Variants in PTPN13 observed in about 807,000 individuals in gnomAD.
The protein encoded by PTPN13 is protein tyrosine phosphatase non-receptor type 13, also known as tyrosine-protein phosphatase non-receptor type 13.
PTPN13 carries 191 observed loss-of-function variants against 284.0 expected under a neutral mutation model. The observed-to-expected ratio is 0.67, with a 90% confidence interval of 0.60 to 0.76. The LOEUF (loss-of-function observed/expected upper bound fraction) is 0.76. Ranked by LOEUF, PTPN13 falls within the 30% of genes least tolerant of loss-of-function variation. PTPN13 has a pLI of 0.00. For missense variants in PTPN13, 2,797 were observed against 2,939.9 expected (o/e 0.95, Z 1.12); for synonymous variants, 986 against 1,022.3 (o/e 0.96, Z 0.68).
Position 86,674,417 on chromosome 4 carries a change from TC to T in PTPN13, c.294+1875del, listed in dbSNP as rs753746766. On this transcript the variant is annotated intron_variant, in intron 3 of 47. Transcript: ENST00000411767. ...TTGTCTAATTGCCATCTAAAGGAAT[TC>T]TAATTTCTTTAAACTGACAATCATA... Among the ~76,000 whole-genome samples the T allele has an allele frequency of 2.6e-5, 4 of 152,214 alleles. No homozygotes were observed. The East Asian group carries it at 7.7e-4, about 29-fold the overall frequency.
At chr4:86,667,683 T>C (rs1727238208) in intron 2 of PTPN13, among the ~76,000 whole-genome samples, 1 of 152,216 alleles carries the variant, frequency 6.6e-6, no homozygotes, top group Non-Finnish European at 1.5e-5. Context: ...TGTCAAATCC[T>C]TCAGAGTTTG....
chr4:86,795,297 A>T (rs958714291), intron 40 of PTPN13, among the ~76,000 whole-genome samples: 2 of 152,372 alleles, frequency 1.3e-5, no homozygotes, highest in East Asian at 3.9e-4. Context: ...AATGCTCATC[A>T]TCACTGGTCA....
At position 86,796,996 on chromosome 4, in the gene PTPN13, A is replaced by G. The variant is rs1474210564; in HGVS notation, c.6401+67A>G. The G allele has an allele frequency of 4.0e-6, 4 of 999,526 alleles. No individual in the cohort carries two copies. In the African/African-American group the frequency reaches 6.6e-5, roughly 16 times the overall value. 61.9% of individuals were successfully genotyped at this position (999,526 alleles called of 1,614,324 possible). ...ATCTATAAATGCTCTGAAGATTTCC[A>G]TTTGTTTTCCAGTATAAAATAAGCA... On this transcript the variant is annotated intron_variant, in intron 41 of 47. Coordinates refer to ENST00000411767, the MANE Select transcript of PTPN13 (RefSeq NM_080683.3).
intron 1 of PTPN13, among the ~76,000 whole-genome samples, chr4:86,606,232 G>T (rs1764729353): frequency 6.6e-6 from 1 of 151,918 alleles, no homozygotes; most frequent in Non-Finnish European, 1.5e-5. Flanking sequence ...AATTGAATAT[G>T]CTGTGTGGAT....
intron 7 of PTPN13, among the ~76,000 whole-genome samples, chr4:86,712,405 T>C (rs1185854321): frequency 6.6e-6 from 1 of 151,230 alleles, no homozygotes; most frequent in Non-Finnish European, 1.5e-5. Flanking sequence ...ACATGGAAAA[T>C]GTGCCTCTCC....
intron 6 of PTPN13, among the ~76,000 whole-genome samples, chr4:86,700,209 AAATT>A (rs1405747679): frequency 1.3e-5 from 2 of 152,194 alleles, no homozygotes; most frequent in African/African-American, 4.8e-5. Flanking sequence ...GTCTTTAAAT[AAATT>A]AACAAGCAAT....
At chr4:86,778,047 CA>C (rs1157587299) in intron 35 of PTPN13, among the ~76,000 whole-genome samples, 1 of 152,112 alleles carries the variant, frequency 6.6e-6, no homozygotes, top group East Asian at 1.9e-4. Flanking sequence ...CTGTCGTCAC[CA>C]AAAATACAGT....
At position 86,750,827 on chromosome 4, in the gene PTPN13, C is replaced by T. The variant is rs1225431225; in HGVS notation, c.3008C>T (p.Pro1003Leu). Residue 1003 changes from proline (P) to leucine (L), a missense_variant, in exon 18 of 48, where the codon CCT becomes CTT. By Grantham distance (98) the Pro-to-Leu change is moderately conservative. Coordinates refer to ENST00000411767, the MANE Select transcript of PTPN13 (RefSeq NM_080683.3). ...PQTVAELVGK[P>L]SHQMSRSDAE... is the part of the protein sequence containing the mutation. ...ACCGTTGCAGAGTTGGTGGGAAAACCTTCTCACCAGATGTCAAGATCTGAT... is the reference window on the plus strand; with the variant it reads ...ACCGTTGCAGAGTTGGTGGGAAAACTTTCTCACCAGATGTCAAGATCTGAT... 1 of 1,613,540 alleles carries T rather than the reference C, an allele frequency of 6.2e-7. No homozygotes were observed. Among genetic ancestry groups the T allele is most frequent in the African/African-American group, 1.3e-5 (1 of 74,916 alleles).
intron 10 of PTPN13, among the ~76,000 whole-genome samples, chr4:86,723,668 C>T (rs1733919418): frequency 6.6e-6 from 1 of 152,124 alleles, no homozygotes; most frequent in African/African-American, 2.4e-5. Flanking sequence ...AAGTTTGTGC[C>T]AGTTTTTGCT....
At chr4:86,732,268 T>C (rs1735026256) in intron 10 of PTPN13, 132 bp from the exon 11 acceptor site, 1 of 726,958 alleles carries the variant, frequency 1.4e-6, no homozygotes, top group Non-Finnish European at 2.2e-6. Flanking sequence ...ACGTTTGTTT[T>C]AGATCACCTA....
intron 3 of PTPN13, among the ~76,000 whole-genome samples, chr4:86,677,258 C>T (rs1728381781): frequency 6.6e-6 from 1 of 151,364 alleles, no homozygotes; most frequent in African/African-American, 2.4e-5. Context: ...CAGAGCAAGA[C>T]TCTGTCTCAA....
intron 20 of PTPN13, among the ~76,000 whole-genome samples, chr4:86,755,049 T>C (rs376655349): frequency 2.9e-4 from 44 of 152,214 alleles, no homozygotes; most frequent in Middle Eastern, 6.8e-3. Flanking sequence ...AAAGTAAAAT[T>C]ACTTGCCCAT....
intron 15 of PTPN13, among the ~76,000 whole-genome samples, chr4:86,740,522 G>A (rs541743051): frequency 9.9e-5 from 15 of 152,202 alleles, no homozygotes; most frequent in South Asian, 4.2e-4. Flanking sequence ...CCCTGGGCCC[G>A]GCCCACAAAA....
At chr4:86,809,051 T>G (rs1474033447) in intron 45 of PTPN13, among the ~76,000 whole-genome samples, 1 of 151,964 alleles carries the variant, frequency 6.6e-6, no homozygotes, top group African/African-American at 2.4e-5. Context: ...ACTGTGCACA[T>G]TGTATTTAAA....
At chr4:86,640,551 T>C (rs1723662610) in intron 2 of PTPN13, among the ~76,000 whole-genome samples, 1 of 152,190 alleles carries the variant, frequency 6.6e-6, no homozygotes, top group African/African-American at 2.4e-5. Flanking sequence ...AATTTACCAC[T>C]TCAAAACAAA....
At chr4:86,601,181 G>C (rs576532858) in intron 1 of PTPN13, among the ~76,000 whole-genome samples, 4 of 151,860 alleles carry the variant, frequency 2.6e-5, no homozygotes, top group Non-Finnish European at 4.4e-5. Context: ...TGGGACAGGT[G>C]GTTTAAAACA....
At position 86,743,381 on chromosome 4, in the gene PTPN13, A is replaced by G. The variant is rs183890524; in HGVS notation, c.2487+1565A>G. On this transcript the variant is annotated intron_variant, in intron 16 of 47. Coordinates refer to ENST00000411767, the MANE Select transcript of PTPN13 (RefSeq NM_080683.3). ...ATCAACTAAGAAGATTCTTTCTTTC[A>G]TGTTTATGCTTGAATCAGTGAGAGA... 3.5e-4 allele frequency among the ~76,000 whole-genome samples: 53 copies of G among 151,104 alleles called. No individual in the cohort carries two copies. In the East Asian group the frequency reaches 8.7e-3, roughly 25 times the overall value.
chr4:86,727,671 GT>G (rs1357330240), intron 10 of PTPN13, among the ~76,000 whole-genome samples: 5 of 148,846 alleles, frequency 3.4e-5, no homozygotes, highest in African/African-American at 1.2e-4. Context: ...CCCCTTTATC[GT>G]TTTTTATTGT....
At chr4:86,641,410 T>A (rs534532321) in intron 2 of PTPN13, among the ~76,000 whole-genome samples, 23 of 152,144 alleles carry the variant, frequency 1.5e-4, no homozygotes, top group Non-Finnish European at 3.2e-4. Context: ...CTACTGACAT[T>A]CCTATAAGAG....
Sources: gnomAD v4.1 joint callset for allele counts (sites outside exome capture counted in the v4.1 genomes callset) on GRCh38, gnomAD v4.1.1 for gene constraint, MANE v1.5 for transcripts, NCBI Gene and HGNC (gene_info 2026-07-23, HGNC 2026-07-21) for gene names.